PEA15: variants seen among roughly 807,000 people sequenced by gnomAD.
PEA15 encodes the protein proliferation and apoptosis adaptor protein 15.
For missense variants in PEA15, 77 were observed against 161.3 expected (o/e 0.48, Z 2.83); for synonymous variants, 60 against 61.8 (o/e 0.97, Z 0.13).
chr1:160,210,277 G>A (rs1654815382), intron 1 of PEA15, among the ~76,000 whole-genome samples: 1 of 152,208 alleles, frequency 6.6e-6, no homozygotes, highest in South Asian at 2.1e-4. Flanking sequence ...TCAGGGACAA[G>A]GTCATCTTGC....
chr1:160,211,642 G>C lies in PEA15; in HGVS notation c.98G>C (p.Ser33Thr), dbSNP rs1654880623. 1 of 1,614,014 alleles carries C rather than the reference G, an allele frequency of 6.2e-7. No homozygotes were observed. Among genetic ancestry groups the C allele is most frequent in the Non-Finnish European group, 8.5e-7 (1 of 1,180,004 alleles). Residue 33 changes from serine to threonine, a missense_variant, in exon 2 of 4, where the codon AGC (serine) becomes ACC (threonine). Transcript: ENST00000360472. ...TCGGCCTGCAAGGAAGACATCCCCA[G>C]CGAAAAGAGTGAGGAGATCACTACT... The part of the protein sequence containing the change: ...LKSACKEDIP[S>T]EKSEEITTGS...
At position 160,208,252 on chromosome 1, in the gene PEA15, C is replaced by T; in HGVS notation, c.-3+2730C>T. Reference sequence around the variant, plus strand: ...CCTAAAAGGTCAGTATATAATGGTCCTTACCTCCTGCCCCTCTTCCCCAGC... The same window carrying T: ...CCTAAAAGGTCAGTATATAATGGTCTTTACCTCCTGCCCCTCTTCCCCAGC... On this transcript the variant is annotated intron_variant, in intron 1 of 3. Transcript: ENST00000360472. This position sits in a 1 kb window ranked among gnomAD's most constrained non-coding sequence, Gnocchi z 4.1. 1 of 312,994 alleles carries T rather than the reference C, an allele frequency of 3.2e-6. No homozygotes were observed. Among genetic ancestry groups the T allele is most frequent in the South Asian group, 3.7e-5 (1 of 26,868 alleles). 19.4% of individuals were successfully genotyped at this position (312,994 alleles called of 1,614,324 possible). A position where few individuals can be genotyped will look rare whatever the true frequency, so the allele number is the denominator to read the frequency against.
At position 160,208,977 on chromosome 1, in the gene PEA15, TC is replaced by T; in HGVS notation, c.-2-2561del. 3.4e-6 allele frequency: 1 copy of T among 296,046 alleles called. No individual in the cohort carries two copies. The highest frequency in any genetic ancestry group is 6.3e-6 in the Non-Finnish European group (1 of 157,646). The allele number at this position is 296,046 out of a possible 1,614,324, so 18.3% of individuals were successfully genotyped here. A position where few individuals can be genotyped will look rare whatever the true frequency, so the allele number is the denominator to read the frequency against. ...TATAGTTGTGGACTGTATGCTCTCC[TC>T]CCCCTCGCCCCCCATGCCTCATTTG... On this transcript the variant is annotated intron_variant, in intron 1 of 3. Transcript: ENST00000360472. The surrounding 1 kb of genome is among the most constrained non-coding windows in gnomAD (Gnocchi z 4.1).
Position 160,213,362 on chromosome 1 carries a change from A to G in PEA15, c.329-60A>G, listed in dbSNP as rs1191049418. On this transcript the variant is annotated intron_variant, in intron 3 of 3. Coordinates refer to ENST00000360472, the MANE Select transcript of PEA15 (RefSeq NM_003768.5). This position sits in a 1 kb window ranked among gnomAD's most constrained non-coding sequence, Gnocchi z 5.3. Reference sequence around the variant, plus strand: ...TTGGGAGAGTGGAGGCAGATGCCCAATGGGCCTGCCTGGCATCTCCCACAC... The same window carrying G: ...TTGGGAGAGTGGAGGCAGATGCCCAGTGGGCCTGCCTGGCATCTCCCACAC... 1.1e-5 allele frequency: 17 copies of G among 1,605,894 alleles called. No homozygotes were observed. Among genetic ancestry groups the G allele is most frequent in the South Asian group, 5.5e-5 (5 of 90,932 alleles).
chr1:160,211,297 G>C, intron 1 of PEA15: 1 of 1,187,616 alleles, frequency 8.4e-7, no homozygotes, highest in Non-Finnish European at 1.0e-6. Context: ...AGAAGAAAAA[G>C]ATGGTGGGGG....
intron 1 of PEA15, 181 bp from the exon 2 acceptor site, chr1:160,211,362 T>C: frequency 7.7e-7 from 1 of 1,293,752 alleles, no homozygotes; most frequent in Non-Finnish European, 9.9e-7. Flanking sequence ...GCTTCCCGTC[T>C]ACCCTGACTG....
intron 1 of PEA15, among the ~76,000 whole-genome samples, chr1:160,207,875 G>A (rs1376118635): frequency 6.6e-6 from 1 of 152,176 alleles, no homozygotes; most frequent in Non-Finnish European, 1.5e-5. Context: ...TCAGGCAGAA[G>A]ACTGACAGAC....
rs1328295273 is a variant in PEA15, at chr1:160,211,168, G to A, written c.-2-375G>A. ...CATGGGGAGGGGTTGGAAGTGGGTG[G>A]GGCGATTCTGAGGGGGGACTTGGAG... is the stretch of plus-strand genomic sequence containing the variant. On this transcript the variant is annotated intron_variant, in intron 1 of 3. Transcript: ENST00000360472. The A allele has an allele frequency of 1.0e-5, 4 of 393,722 alleles. No homozygotes were observed. In the East Asian group the frequency reaches 6.0e-4, roughly 59 times the overall value. The allele number at this position is 393,722 out of a possible 1,614,324, so 24.4% of individuals were successfully genotyped here.
chr1:160,210,232 A>C (rs1201146480), intron 1 of PEA15, among the ~76,000 whole-genome samples: 1 of 152,238 alleles, frequency 6.6e-6, no homozygotes, highest in Non-Finnish European at 1.5e-5. Flanking sequence ...CCACATTCCC[A>C]GCCTAATGCT....
At position 160,205,440 on chromosome 1, in the gene PEA15, G is replaced by C; in HGVS notation, c.-85G>C. ...GCAGAAGCGGCGGCGGCGGCGGCGG[G>C]AGCCGAGGAGGAGGTTCCGGACGCT... is the stretch of plus-strand genomic sequence containing the variant. On this transcript the variant is annotated 5_prime_UTR_variant, in exon 1 of 4. Coordinates refer to ENST00000360472, the MANE Select transcript of PEA15 (RefSeq NM_003768.5). This position sits in a 1 kb window ranked among gnomAD's most constrained non-coding sequence, Gnocchi z 5.9. The C allele has an allele frequency of 5.6e-6, 1 of 177,514 alleles. No homozygotes were observed. The allele number at this position is 177,514 out of a possible 1,614,324, so 11.0% of individuals were successfully genotyped here. A position where few individuals can be genotyped will look rare whatever the true frequency, so the allele number is the denominator to read the frequency against.
At chr1:160,212,500 G>A (rs964482663) in intron 2 of PEA15, among the ~76,000 whole-genome samples, 2 of 152,080 alleles carry the variant, frequency 1.3e-5, no homozygotes, top group Admixed American at 6.5e-5. Context: ...CAGGGAGAAC[G>A]TATAAAGGAG....
chr1:160,208,679 T>A lies in PEA15; in HGVS notation c.-2-2864T>A, dbSNP rs762306563. On this transcript the variant is annotated intron_variant, in intron 1 of 3. Coordinates refer to ENST00000360472, the MANE Select transcript of PEA15 (RefSeq NM_003768.5). The surrounding 1 kb of genome is among the most constrained non-coding windows in gnomAD (Gnocchi z 4.1). ...AGACCAGCCCAGGTACAACTGTTGATCAGTGAGAATTGAGAGCAGTTCCCC... is the reference window on the plus strand; with the variant it reads ...AGACCAGCCCAGGTACAACTGTTGAACAGTGAGAATTGAGAGCAGTTCCCC... The A allele has an allele frequency of 5.8e-6, 9 of 1,548,416 alleles. No homozygotes were observed. Among genetic ancestry groups the A allele is most frequent in the Non-Finnish European group, 7.9e-6 (9 of 1,145,040 alleles).
In PEA15 at chr1:160,206,842, A is replaced by G. The variant is rs79303894; in HGVS notation, c.-3+1320A>G. Among the ~76,000 whole-genome samples, 301 of 152,296 alleles carry G rather than the reference A, an allele frequency of 2.0e-3. 4 individuals are homozygous for G. In the East Asian group the frequency reaches 0.027, roughly 14 times the overall value. On this transcript the variant is annotated intron_variant, in intron 1 of 3. Coordinates refer to ENST00000360472, the MANE Select transcript of PEA15 (RefSeq NM_003768.5). ...GTGTGTCTGGGCCCCAGGCTGTCAG[A>G]GCGATTAGCTTTAATTGCTCTTCCC...
chr1:160,206,300 G>C (rs1395101734), intron 1 of PEA15: 2 of 152,254 alleles, frequency 1.3e-5, no homozygotes, highest in Non-Finnish European at 2.9e-5. Flanking sequence ...GACAGAAAGG[G>C]CCACTGTCCC....
At chr1:160,206,045 TTAA>T (rs1654568967) in intron 1 of PEA15, 1 of 152,294 alleles carries the variant, frequency 6.6e-6, no homozygotes, top group South Asian at 2.1e-4. Flanking sequence ...AAAACCCTTA[TTAA>T]TTTCATATAA....
Position 160,213,350 on chromosome 1 carries a change from GGCAGA to G in PEA15, c.329-71_329-67del. On this transcript the variant is annotated intron_variant, in intron 3 of 3. Transcript: ENST00000360472. This position sits in a 1 kb window ranked among gnomAD's most constrained non-coding sequence, Gnocchi z 5.3. Reference sequence around the variant, plus strand: ...AGTACTTGAGTTTTGGGAGAGTGGAGGCAGATGCCCAATGGGCCTGCCTGGCATCT... The same window carrying G: ...AGTACTTGAGTTTTGGGAGAGTGGAGTGCCCAATGGGCCTGCCTGGCATCT... 1 of 1,611,074 alleles carries G rather than the reference GGCAGA, an allele frequency of 6.2e-7. No individual in the cohort carries two copies. The highest frequency in any genetic ancestry group is 8.5e-7 in the Non-Finnish European group (1 of 1,177,262).
rs1654941166 is a variant in PEA15, at chr1:160,213,043, G to T, written c.173-67G>T. The T allele has an allele frequency of 1.3e-6, 2 of 1,552,706 alleles. No homozygotes were observed. The highest frequency in any genetic ancestry group is 1.8e-6 in the Non-Finnish European group (2 of 1,126,730). ...ACTCAGCTTTGGTTCCAGGTCACTAGTCTGGTGGAGTAGGGGAAGCTGACC... is the reference window on the plus strand; with the variant it reads ...ACTCAGCTTTGGTTCCAGGTCACTATTCTGGTGGAGTAGGGGAAGCTGACC... On this transcript the variant is annotated intron_variant, in intron 2 of 3. Transcript: ENST00000360472. The surrounding 1 kb of genome is among the most constrained non-coding windows in gnomAD (Gnocchi z 5.3).
Position 160,208,481 on chromosome 1 carries a change from C to A in PEA15, c.-3+2959C>A, listed in dbSNP as rs547191051. 20 of 865,256 alleles carry A rather than the reference C, an allele frequency of 2.3e-5. No homozygotes were observed. The highest frequency in any genetic ancestry group is 3.7e-5 in the Non-Finnish European group (20 of 543,662). 53.6% of individuals were successfully genotyped at this position (865,256 alleles called of 1,614,324 possible). A position where few individuals can be genotyped will look rare whatever the true frequency, so the allele number is the denominator to read the frequency against. ...GTCCCAAGAATGGCCTCCGCCCAGA[C>A]TGCCTGGTGATCCCTGAGCAGCTCT... On this transcript the variant is annotated intron_variant, in intron 1 of 3. Coordinates refer to ENST00000360472, the MANE Select transcript of PEA15 (RefSeq NM_003768.5). The surrounding 1 kb of genome is among the most constrained non-coding windows in gnomAD (Gnocchi z 4.1).
At position 160,211,605 on chromosome 1, in the gene PEA15, G is replaced by A. The variant is rs1253607505; in HGVS notation, c.61G>A (p.Glu21Lys). ...LTNNITLEDL[E>K]QLKSACKEDI... ...CAACAACATCACCCTTGAAGATCTA[G>A]AACAGCTCAAGTCGGCCTGCAAGGA... The change falls in exon 2 of 4, where the codon GAA becomes AAA. Residue 21 changes from glutamate to lysine, a missense_variant. Transcript: ENST00000360472. 3 of 1,613,988 alleles carry A rather than the reference G, an allele frequency of 1.9e-6. No individual in the cohort carries two copies. Among genetic ancestry groups the A allele is most frequent in the Non-Finnish European group, 2.5e-6 (3 of 1,180,014 alleles).
Sources: gnomAD v4.1 joint callset for allele counts (sites outside exome capture counted in the v4.1 genomes callset) on GRCh38, gnomAD v4.1.1 for gene constraint, Gnocchi (gnomAD v3.1) non-coding constraint, MANE v1.5 for transcripts, NCBI Gene and HGNC (gene_info 2026-07-23, HGNC 2026-07-21) for gene names.